Variants in SLC7A8 observed in about 807,000 individuals in gnomAD.
SLC7A8 encodes solute carrier family 7 member 8.
SLC7A8 carries 30 observed loss-of-function variants against 51.2 expected under a neutral mutation model. The observed-to-expected ratio is 0.59, with a 90% confidence interval of 0.44 to 0.80. The LOEUF is 0.80. SLC7A8 is among the 30% of genes least tolerant of loss of function. The probability of loss-of-function intolerance (pLI) is 0.00; values close to 1 mark genes in which losing one functional copy is unlikely to be tolerated. For missense variants in SLC7A8, 612 were observed against 674.4 expected (o/e 0.91, Z 1.03); for synonymous variants, 257 against 275.8 (o/e 0.93, Z 0.67).
chr14:23,174,860 G>GA (rs1441038540), intron 1 of SLC7A8, among the ~76,000 whole-genome samples: 1 of 152,100 alleles, frequency 6.6e-6, no homozygotes, highest in Non-Finnish European at 1.5e-5. Context: ...GTTAAACATT[G>GA]GAAAGAAACA....
At chr14:23,155,341 C>T in intron 3 of SLC7A8, 3 of 1,531,638 alleles carry the variant, frequency 2.0e-6, no homozygotes, top group East Asian at 4.9e-5. Context: ...AGCTAAGCTC[C>T]TGCCCATACT....
chr14:23,138,424 G>T (rs2048711301), intron 6 of SLC7A8, among the ~76,000 whole-genome samples: 1 of 152,182 alleles, frequency 6.6e-6, no homozygotes, highest in Non-Finnish European at 1.5e-5. Context: ...CACAGGGAAG[G>T]GCACAGGCTT....
chr14:23,174,745 A>G (rs867280191), intron 1 of SLC7A8, among the ~76,000 whole-genome samples: 1 of 152,308 alleles, frequency 6.6e-6, no homozygotes, highest in Middle Eastern at 3.4e-3. Context: ...GCAGTTTGCC[A>G]TTTCCAGATC....
intron 3 of SLC7A8, chr14:23,155,579 CGAAAAACTG>C: frequency 9.9e-7 from 1 of 1,005,836 alleles, no homozygotes. Flanking sequence ...CGGGGAGAAG[CGAAAAACTG>C]GACACCAAGA....
At chr14:23,158,723 C>T (rs1267427388) in intron 3 of SLC7A8, among the ~76,000 whole-genome samples, 2 of 152,186 alleles carry the variant, frequency 1.3e-5, no homozygotes, top group Non-Finnish European at 2.9e-5. Context: ...GATTTGGGGA[C>T]AAACTTGATT....
chr14:23,129,832 G>A (rs757798604), intron 8 of SLC7A8, 33 bp from the exon 9 acceptor site: 7 of 1,611,390 alleles, frequency 4.3e-6, no homozygotes, highest in Admixed American at 1.7e-5. Context: ...TCAGTGATCC[G>A]AAAGATATTC....
At chr14:23,156,445 C>T (rs2048893744) in intron 3 of SLC7A8, 2 of 152,152 alleles carry the variant, frequency 1.3e-5, no homozygotes, top group Admixed American at 1.3e-4. Flanking sequence ...CAGAGATGCC[C>T]TTTTTTCTTT....
chr14:23,165,475 G>A lies in SLC7A8; in HGVS notation c.357-39C>T. The A allele has an allele frequency of 6.4e-7, 1 of 1,559,366 alleles. No individual in the cohort carries two copies. The highest frequency in any genetic ancestry group is 8.6e-7 in the Non-Finnish European group (1 of 1,160,196). On this transcript the variant is annotated intron_variant, in intron 2 of 10. Coordinates refer to ENST00000316902, the MANE Select transcript of SLC7A8 (RefSeq NM_012244.4). The surrounding 1 kb of genome is among the most constrained non-coding windows in gnomAD (Gnocchi z 4.2). The stretch of plus-strand genomic sequence containing the variant: ...GGGACATCCGCCGAAAGGCATGGCA[G>A]GGACGCAGAGCCATCAGGGGAGAGC...
chr14:23,150,907 C>G (rs1594830754), intron 3 of SLC7A8, among the ~76,000 whole-genome samples: 3 of 152,214 alleles, frequency 2.0e-5, no homozygotes, highest in Non-Finnish European at 4.4e-5. Context: ...GGTCCTTCAA[C>G]CCAGCTGTCT....
intron 1 of SLC7A8, among the ~76,000 whole-genome samples, chr14:23,170,512 G>A (rs567075575): frequency 6.6e-6 from 1 of 152,094 alleles, no homozygotes; most frequent in South Asian, 2.1e-4. Flanking sequence ...AGGCTGAAGT[G>A]CAGTGGTGCG....
chr14:23,181,654 A>G (rs757044424), intron 1 of SLC7A8, among the ~76,000 whole-genome samples: 5 of 152,266 alleles, frequency 3.3e-5, no homozygotes. Context: ...AAACTGGTTC[A>G]GGGGCACCAG....
rs1485795602 is a variant in SLC7A8, at chr14:23,139,557, G to C, written c.789-10C>G. 1 of 1,611,022 alleles carries C rather than the reference G, an allele frequency of 6.2e-7. No homozygotes were observed. Among genetic ancestry groups the C allele is most frequent in the Non-Finnish European group, 8.5e-7 (1 of 1,178,058 alleles). Reference sequence around the variant, plus strand: ...GGCTCTGGGAAGGTTCCTGTAGAGGGAGAGGAGGTGAGGGGAAGGGCTGGC... The same window carrying C: ...GGCTCTGGGAAGGTTCCTGTAGAGGCAGAGGAGGTGAGGGGAAGGGCTGGC... On this transcript the variant is annotated splice_polypyrimidine_tract_variant and intron_variant, in intron 5 of 10. Coordinates refer to ENST00000316902, the MANE Select transcript of SLC7A8 (RefSeq NM_012244.4).
At chr14:23,162,749 G>A (rs928983195) in intron 3 of SLC7A8, among the ~76,000 whole-genome samples, 2 of 152,192 alleles carry the variant, frequency 1.3e-5, no homozygotes, top group African/African-American at 4.8e-5. Context: ...CTACTTTGGA[G>A]GGTCTTTGTG....
intron 3 of SLC7A8, among the ~76,000 whole-genome samples, chr14:23,163,200 T>C (rs1419087919): frequency 6.6e-6 from 1 of 152,180 alleles, no homozygotes; most frequent in Non-Finnish European, 1.5e-5. Flanking sequence ...TGTCTAACAC[T>C]GTGCTGAGGG....
intron 3 of SLC7A8, among the ~76,000 whole-genome samples, chr14:23,156,040 C>A (rs1450617010): frequency 6.6e-6 from 1 of 151,368 alleles, no homozygotes; most frequent in Non-Finnish European, 1.5e-5. Flanking sequence ...CTCTTGTTGC[C>A]CAGGCTGGAG....
intron 1 of SLC7A8, among the ~76,000 whole-genome samples, chr14:23,176,677 C>G (rs1163012017): frequency 6.6e-6 from 1 of 152,110 alleles, no homozygotes; most frequent in Non-Finnish European, 1.5e-5. Context: ...CGCGGTGGCT[C>G]ACACCTATAA....
intron 3 of SLC7A8, among the ~76,000 whole-genome samples, chr14:23,143,894 G>T (rs1316847748): frequency 6.6e-6 from 1 of 152,040 alleles, no homozygotes; most frequent in Non-Finnish European, 1.5e-5. Context: ...CACATAAATG[G>T]AATCATATAA....
chr14:23,139,334 G>T, intron 6 of SLC7A8, 90 bp downstream of exon 6: 1 of 1,587,704 alleles, frequency 6.3e-7, no homozygotes. Context: ...CTTCCACAAG[G>T]CCATGGATCA....
At chr14:23,138,114 T>C (rs2140309976) in intron 6 of SLC7A8, 90 bp from the exon 7 acceptor site, 1 of 1,468,512 alleles carries the variant, frequency 6.8e-7, no homozygotes, top group Non-Finnish European at 9.3e-7. Flanking sequence ...CCGTTTCTCC[T>C]ATCTCCACCC....
Sources: gnomAD v4.1 joint callset for allele counts (sites outside exome capture counted in the v4.1 genomes callset) on GRCh38, gnomAD v4.1.1 for gene constraint, Gnocchi (gnomAD v3.1) non-coding constraint, MANE v1.5 for transcripts, NCBI Gene and HGNC (gene_info 2026-07-23, HGNC 2026-07-21) for gene names.